Variants in ANKRD44 observed in about 807,000 individuals in gnomAD.
ANKRD44 encodes ankyrin repeat domain 44.
Under a neutral mutation model 116.0 loss-of-function variants are expected in ANKRD44, and 35 were observed. That is an observed-to-expected ratio of 0.30 (90% CI 0.23 to 0.40). ANKRD44 has a LOEUF of 0.40. Ranked by LOEUF, ANKRD44 falls within the 10% of genes least tolerant of loss-of-function variation. The probability of loss-of-function intolerance (pLI) is 1.00; values close to 1 mark genes in which losing one functional copy is unlikely to be tolerated. For synonymous variants in ANKRD44, 435 were observed against 461.8 expected (o/e 0.94, Z 0.74); for missense variants, 1,014 against 1,242.6 (o/e 0.82, Z 2.77).
intron 2 of ANKRD44, 21 bp downstream of exon 2, chr2:197,187,001 GC>G: frequency 1.2e-6 from 2 of 1,610,722 alleles, no homozygotes; most frequent in Non-Finnish European, 1.7e-6. Flanking sequence ...GGCCTGAGTA[GC>G]AAAACCACAG....
At chr2:197,193,496 C>T (rs1227697404) in intron 1 of ANKRD44, among the ~76,000 whole-genome samples, 1 of 152,182 alleles carries the variant, frequency 6.6e-6, no homozygotes, top group Non-Finnish European at 1.5e-5. Context: ...TGGTATCAGA[C>T]TGACCAATTA....
chr2:197,079,431 G>A (rs1257341507), intron 15 of ANKRD44, among the ~76,000 whole-genome samples: 1 of 152,230 alleles, frequency 6.6e-6, no homozygotes. Context: ...AAAAATCAAT[G>A]TTTAAAGCCT....
chr2:197,287,748 G>A (rs957858961), intron 1 of ANKRD44, among the ~76,000 whole-genome samples: 10 of 151,994 alleles, frequency 6.6e-5, no homozygotes, highest in Non-Finnish European at 1.2e-4. Context: ...CGCTGGGTAC[G>A]GTAGCTCACG....
chr2:197,309,529 A>C (rs1409067404), intron 1 of ANKRD44, among the ~76,000 whole-genome samples: 1 of 152,220 alleles, frequency 6.6e-6, no homozygotes, highest in Non-Finnish European at 1.5e-5. Flanking sequence ...TGGAGAACGC[A>C]AGGCAGCAGA....
chr2:197,000,606 T>TA lies in ANKRD44; in HGVS notation c.2436-105dup. ...TGTATATTTGACAATCTGAAGCATT[T>TA]AAAAAATCGAACGTAAATATTTGTG... On this transcript the variant is annotated intron_variant, in intron 22 of 27. Coordinates refer to ENST00000282272, the MANE Select transcript of ANKRD44 (RefSeq NM_001195144.2). 13 of 922,072 alleles carry TA rather than the reference T, an allele frequency of 1.4e-5. No individual in the cohort carries two copies. In the South Asian group the frequency reaches 1.8e-4, roughly 13 times the overall value. The allele number at this position is 922,072 out of a possible 1,614,324, so 57.1% of individuals were successfully genotyped here.
rs760978376 is a variant in ANKRD44, at chr2:197,005,699, T to C, written c.2342A>G (p.Tyr781Cys). Residue 781 changes from tyrosine to cysteine, a missense_variant, in exon 21 of 28, where the codon TAC (tyrosine) becomes TGC (cysteine). Coordinates refer to ENST00000282272, the MANE Select transcript of ANKRD44 (RefSeq NM_001195144.2). ...TCAAATGATAAGCAACTCACCATTG[T>C]AACAAGCCCAGTGCAGCGGCGTGTA... ...QGYTPLHWACYNGNENCIEVL... is the reference protein window; with the variant it reads ...QGYTPLHWACCNGNENCIEVL... The C allele has an allele frequency of 1.9e-6, 3 of 1,614,152 alleles. No homozygotes were observed. Among genetic ancestry groups the C allele is most frequent in the Non-Finnish European group, 1.7e-6 (2 of 1,179,990 alleles).
intron 17 of ANKRD44, among the ~76,000 whole-genome samples, chr2:197,023,297 C>T (rs2076531944): frequency 6.6e-6 from 1 of 152,120 alleles, no homozygotes; most frequent in Non-Finnish European, 1.5e-5. Context: ...ACACAATAAA[C>T]AATTCAATAA....
At chr2:197,120,061 G>A (rs973948299) in intron 8 of ANKRD44, among the ~76,000 whole-genome samples, 1 of 151,872 alleles carries the variant, frequency 6.6e-6, no homozygotes, top group Non-Finnish European at 1.5e-5. Context: ...CCTCAAAATC[G>A]ATCTCCATTT....
intron 9 of ANKRD44, among the ~76,000 whole-genome samples, chr2:197,100,914 A>G (rs1370916959): frequency 6.6e-6 from 1 of 152,010 alleles, no homozygotes; most frequent in Non-Finnish European, 1.5e-5. Context: ...TATATATACA[A>G]TTGGTCTATT....
chr2:197,276,241 C>A (rs574178403), intron 1 of ANKRD44, among the ~76,000 whole-genome samples: 10 of 141,878 alleles, frequency 7.0e-5, no homozygotes, highest in Non-Finnish European at 1.1e-4. Flanking sequence ...TGCCACCGCA[C>A]TCCAGCATGA....
At chr2:196,968,323 T>C (rs534003732) in intron 21 of ANKRD44, among the ~76,000 whole-genome samples, 2 of 152,332 alleles carry the variant, frequency 1.3e-5, no homozygotes, top group African/African-American at 4.8e-5. Context: ...CAAAGGGCCA[T>C]TGGCAGGGAG....
intron 7 of ANKRD44, 76 bp from the exon 8 acceptor site, chr2:197,121,620 G>T (rs1317385045): frequency 1.1e-5 from 14 of 1,274,470 alleles, no homozygotes; most frequent in Non-Finnish European, 1.5e-5. Flanking sequence ...AAGCATAACG[G>T]CTGTGGCTAG....
chr2:196,968,107 C>G (rs2075688083), intron 21 of ANKRD44, among the ~76,000 whole-genome samples: 1 of 152,174 alleles, frequency 6.6e-6, no homozygotes, highest in Non-Finnish European at 1.5e-5. Flanking sequence ...TTGTAAATTA[C>G]CCAGCCTCAG....
chr2:197,209,771 T>C (rs998021050), intron 1 of ANKRD44, among the ~76,000 whole-genome samples: 1 of 152,238 alleles, frequency 6.6e-6, no homozygotes, highest in Non-Finnish European at 1.5e-5. Context: ...CTAAAGCACA[T>C]TGCTTCTAAG....
chr2:197,051,971 A>G (rs548017278), intron 16 of ANKRD44, among the ~76,000 whole-genome samples: 1 of 152,318 alleles, frequency 6.6e-6, no homozygotes, highest in South Asian at 2.1e-4. Context: ...ATAAAAGTAG[A>G]TTGAAAAATT....
chr2:197,133,331 C>T (rs1333248584), intron 4 of ANKRD44, among the ~76,000 whole-genome samples: 2 of 152,214 alleles, frequency 1.3e-5, no homozygotes, highest in African/African-American at 4.8e-5. Context: ...AGCTTTTCCA[C>T]TGTAGACTCT....
At chr2:196,986,472 T>C (rs1411391655), downstream of ANKRD44, among the ~76,000 whole-genome samples, 3 of 152,138 alleles carry the variant, frequency 2.0e-5, no homozygotes, top group South Asian at 2.1e-4. Context: ...TAAATACATA[T>C]AATAAACACA....
intron 1 of ANKRD44, among the ~76,000 whole-genome samples, chr2:197,306,663 GC>G (rs1574486916): frequency 6.6e-6 from 1 of 152,124 alleles, no homozygotes; most frequent in East Asian, 1.9e-4. Flanking sequence ...AAGAACAAGG[GC>G]AGCCCAGTAA....
At chr2:197,216,783 C>G (rs992473618) in intron 1 of ANKRD44, among the ~76,000 whole-genome samples, 4 of 151,880 alleles carry the variant, frequency 2.6e-5, no homozygotes, top group African/African-American at 9.7e-5. Context: ...TCACAAGCAT[C>G]AGCGTCCAGG....
Sources: allele counts gnomAD v4.1 joint callset (sites outside exome capture counted in the v4.1 genomes callset), GRCh38; gene constraint gnomAD v4.1.1; transcripts MANE v1.5; gene names NCBI Gene and HGNC (gene_info 2026-07-23, HGNC 2026-07-21).